The following A2ML1 variants were observed in gnomAD, a reference collection of about 807,000 sequenced individuals.
The protein encoded by A2ML1 is alpha-2-macroglobulin like 1.
Under a neutral mutation model 181.9 loss-of-function variants are expected in A2ML1, and 161 were observed. The ratio of observed to expected loss-of-function variants is 0.89; its 90% CI spans 0.78 to 1.01. The LOEUF (loss-of-function observed/expected upper bound fraction) is 1.01. A2ML1 is among the 50% of genes least tolerant of loss of function. The probability of loss-of-function intolerance (pLI) is 0.00; values close to 1 mark genes in which losing one functional copy is unlikely to be tolerated. For missense variants in A2ML1, 1,670 were observed against 1,768.1 expected (o/e 0.94, Z 1.00); for synonymous variants, 663 against 666.8 (o/e 0.99, Z 0.09).
In A2ML1 at chr12:8,822,664, C is replaced by G. The variant is rs1419562889; in HGVS notation, c.13C>G (p.Leu5Val). 1 of 1,614,150 alleles carries G rather than the reference C, an allele frequency of 6.2e-7. No individual in the cohort carries two copies. The highest frequency in any genetic ancestry group is 8.5e-7 in the Non-Finnish European group (1 of 1,179,978). ...CTCACCCACAAAGATGTGGGCTCAG[C>G]TCCTTCTAGGAATGTTGGCCCTATC... MWAQLLLGMLALSPA... is the reference protein window; with the variant it reads MWAQVLLGMLALSPA... The change falls in exon 1 of 36, where the codon CTC becomes GTC. Residue 5 changes from leucine (L) to valine (V), a missense_variant. By Grantham distance (32) the Leu-to-Val change is conservative. Coordinates refer to ENST00000299698, the MANE Select transcript of A2ML1 (RefSeq NM_144670.6).
At chr12:8,861,026 T>C in intron 27 of A2ML1, 71 bp downstream of exon 27, 11 of 1,605,692 alleles carry the variant, frequency 6.9e-6, no homozygotes, top group Non-Finnish European at 9.4e-6. Context: ...TCACCCATCT[T>C]TGTCTCTAGT....
At chr12:8,866,836 G>A (rs781229957) in intron 29 of A2ML1, among the ~76,000 whole-genome samples, 1 of 151,802 alleles carries the variant, frequency 6.6e-6, no homozygotes, top group East Asian at 1.9e-4. Context: ...TGAAGAAATC[G>A]GGTTTTTTTT....
chr12:8,854,867 T>G, intron 22 of A2ML1, 36 bp downstream of exon 22: 1 of 1,600,166 alleles, frequency 6.2e-7, no homozygotes, highest in Non-Finnish European at 8.6e-7. Context: ...TGGTGAGAAT[T>G]CCCTTAGAGG....
At position 8,868,071 on chromosome 12, in the gene A2ML1, C is replaced by T. The variant is rs200874703; in HGVS notation, c.3933+14C>T. ...GTCTATGTGCAGGTAAGTAGAGATC[C>T]ATGAGAATGAGCGGACATTGGGAAG... On this transcript the variant is annotated intron_variant, in intron 30 of 35. Coordinates refer to ENST00000299698, the MANE Select transcript of A2ML1 (RefSeq NM_144670.6). The T allele has an allele frequency of 3.4e-5, 55 of 1,612,512 alleles. 1 individual carries two copies. In the East Asian group the frequency reaches 1.2e-3, roughly 35 times the overall value.
intron 7 of A2ML1, among the ~76,000 whole-genome samples, chr12:8,885,220 A>G (rs184308834): frequency 6.6e-6 from 1 of 152,238 alleles, no homozygotes; most frequent in Admixed American, 6.5e-5. Flanking sequence ...CTTAATTTTA[A>G]TATAGTTCAA....
intron 20 of A2ML1, among the ~76,000 whole-genome samples, chr12:8,853,484 G>T (rs1592138279): frequency 6.6e-6 from 1 of 152,212 alleles, no homozygotes; most frequent in South Asian, 2.1e-4. Flanking sequence ...GTGCAGCTTA[G>T]CTGGGTACCT....
intron 28 of A2ML1, among the ~76,000 whole-genome samples, 199 bp downstream of exon 28, chr12:8,861,496 T>C (rs1377505714): frequency 1.3e-5 from 2 of 152,176 alleles, no homozygotes; most frequent in Non-Finnish European, 2.9e-5. Context: ...CTTTTTTTTC[T>C]TTTCTTTTTG....
Position 8,867,880 on chromosome 12 carries a change from C to G in A2ML1, c.3756C>G (p.Ala1252=), listed in dbSNP as rs749652025. Residue 1252 remains alanine, a synonymous_variant, in exon 30 of 36, where the codon GCC becomes GCG. Transcript: ENST00000299698. ...CTCTCCAAGCTCTTGCCAAATATGC[C>G]ACTACCGCCTACATGCCATCTGAGG... ...VVALQALAKY[A]TTAYMPSEEI... 1 of 1,614,220 alleles carries G rather than the reference C, an allele frequency of 6.2e-7. No homozygotes were observed.
chr12:8,854,661 T>G, intron 21 of A2ML1, 119 bp from the exon 22 acceptor site: 1 of 1,037,848 alleles, frequency 9.6e-7, no homozygotes, highest in Non-Finnish European at 1.5e-6. Context: ...GAAGCTCTTG[T>G]CTGCAGTTCT....
chr12:8,823,201 C>T lies in A2ML1; in HGVS notation c.82C>T (p.Pro28Ser). The change falls in exon 2 of 36, where the codon CCA (proline) becomes TCA (serine). Residue 28 changes from proline (P) to serine (S), a missense_variant. Physicochemically the swap from Pro to Ser is moderately conservative, Grantham distance 74. Coordinates refer to ENST00000299698, the MANE Select transcript of A2ML1 (RefSeq NM_144670.6). Reference protein sequence around the residue: ...EELPNYLVTLPARLNFPSVQK... With the variant: ...EELPNYLVTLSARLNFPSVQK... The stretch of plus-strand genomic sequence containing the variant: ...TAATAGAAACTACCTGGTGACATTA[C>T]CAGCCCGGCTAAATTTCCCCTCCGT... The T allele has an allele frequency of 1.2e-6, 2 of 1,613,810 alleles. No individual in the cohort carries two copies. The highest frequency in any genetic ancestry group is 1.7e-6 in the Non-Finnish European group (2 of 1,179,888).
At chr12:8,849,780 G>C in intron 17 of A2ML1, 21 bp downstream of exon 17, 1 of 1,607,648 alleles carries the variant, frequency 6.2e-7, no homozygotes, top group Non-Finnish European at 8.5e-7. Context: ...TCTGTGGTCT[G>C]TGGATTCTCT....
At chr12:8,845,057 A>C in intron 12 of A2ML1, 1 of 1,433,070 alleles carries the variant, frequency 7.0e-7, no homozygotes, top group East Asian at 2.5e-5. Flanking sequence ...ACTGAATTTT[A>C]AATTGAGCTG....
chr12:8,826,661 C>T (rs369013469), intron 3 of A2ML1, among the ~76,000 whole-genome samples: 24 of 152,030 alleles, frequency 1.6e-4, no homozygotes, highest in East Asian at 9.7e-4. Context: ...CTCATTCTGC[C>T]GCGCAGGCTG....
At chr12:8,838,474 A>G in intron 9 of A2ML1, 24 bp downstream of exon 9, 1 of 1,583,638 alleles carries the variant, frequency 6.3e-7, no homozygotes, top group Non-Finnish European at 8.6e-7. Context: ...TCCTTGGCTC[A>G]TTAAGAAAAG....
At chr12:8,826,817 C>T (rs1265812271) in intron 3 of A2ML1, among the ~76,000 whole-genome samples, 10 of 151,694 alleles carry the variant, frequency 6.6e-5, no homozygotes. Flanking sequence ...TGGAGTTTCG[C>T]CATGTTGGCC....
chr12:8,874,686 TC>T (rs1294394986), intron 34 of A2ML1, among the ~76,000 whole-genome samples, 159 bp downstream of exon 34: 1 of 152,182 alleles, frequency 6.6e-6, no homozygotes, highest in Admixed American at 6.5e-5. Context: ...ATATTTTAAT[TC>T]AGTTGTGTGC....
intron 26 of A2ML1, 48 bp downstream of exon 26, chr12:8,858,150 C>T (rs778450652): frequency 5.7e-6 from 9 of 1,586,254 alleles, no homozygotes; most frequent in Non-Finnish European, 6.9e-6. Flanking sequence ...CTCGAAGGAC[C>T]CCACACCTCT....
chr12:8,827,818 G>C (rs1239434673), intron 3 of A2ML1, among the ~76,000 whole-genome samples: 2 of 152,176 alleles, frequency 1.3e-5, no homozygotes, highest in African/African-American at 2.4e-5. Context: ...ATCTGCATTA[G>C]GGAGGACCCC....
Position 8,868,623 on chromosome 12 carries a change from A to G in A2ML1, c.4148A>G (p.Gln1383Arg). 1 of 1,613,160 alleles carries G rather than the reference A, an allele frequency of 6.2e-7. No homozygotes were observed. The highest frequency in any genetic ancestry group is 1.3e-5 in the African/African-American group (1 of 74,932). The change falls in exon 32 of 36, where the codon CAG becomes CGG. Residue 1383 changes from glutamine to arginine, a missense_variant. Coordinates refer to ENST00000299698, the MANE Select transcript of A2ML1 (RefSeq NM_144670.6). ...TTCAGTCCCATGGAGGGCACCAATC[A>G]GTTAGTAAGTTACTTCTGTTTTCTT... ...SGFSPMEGTNQLLLQQPLVKK... is the reference protein window; with the variant it reads ...SGFSPMEGTNRLLLQQPLVKK...
Sources: gnomAD v4.1 joint callset for allele counts (sites outside exome capture counted in the v4.1 genomes callset) on GRCh38, gnomAD v4.1.1 for gene constraint, MANE v1.5 for transcripts, NCBI Gene and HGNC (gene_info 2026-07-23, HGNC 2026-07-21) for gene names.